Variants in FAT2 observed in about 807,000 individuals in gnomAD.
FAT2 encodes FAT atypical cadherin 2.
Under a neutral mutation model 295.3 loss-of-function variants are expected in FAT2, and 150 were observed. That is an observed-to-expected ratio of 0.51 (90% CI 0.44 to 0.58). The LOEUF is 0.58. FAT2 is among the 20% of genes least tolerant of loss of function. The probability of loss-of-function intolerance (pLI) is 0.00; values close to 1 mark genes in which losing one functional copy is unlikely to be tolerated. For missense variants in FAT2, 4,868 were observed against 5,442.7 expected (o/e 0.89, Z 3.32); for synonymous variants, 2,026 against 2,150.3 (o/e 0.94, Z 1.60).
rs143801705 is a variant in FAT2 at position 151,507,479 on chromosome 5, G to A, written c.12192C>T (p.Val4064=). 44 of 1,614,040 alleles carry A rather than the reference G, an allele frequency of 2.7e-5. No individual in the cohort carries two copies. Among genetic ancestry groups the A allele is most frequent in the Non-Finnish European group, 3.5e-5 (41 of 1,180,030 alleles). ...AACGGCGGCAGTAGAAGAGAAGCCCGACAGTGCTTATGATAATGAACGCCA... is the reference window on the plus strand; with the variant it reads ...AACGGCGGCAGTAGAAGAGAAGCCCAACAGTGCTTATGATAATGAACGCCA... ...VAVAFIIIST[V]GLLFYCRRCK... The change falls in exon 23 of 24, where the codon GTC becomes GTT. Residue 4064 remains valine (V), a synonymous_variant. Transcript: ENST00000261800.
chr5:151,515,522 T>C (rs909277278), intron 20 of FAT2, among the ~76,000 whole-genome samples: 1 of 152,150 alleles, frequency 6.6e-6, no homozygotes, highest in Non-Finnish European at 1.5e-5. Flanking sequence ...GAAACTGCAC[T>C]CTGATCTCCC....
In FAT2 at chr5:151,566,657, C is replaced by T. The variant is rs1052707590; in HGVS notation, c.2275G>A (p.Glu759Lys). ...AGCTCTATGTCAAAGCAGCCCTCCTCATTGCCATCTGCAATCACATAGACC... is the reference window on the plus strand; with the variant it reads ...AGCTCTATGTCAAAGCAGCCCTCCTTATTGCCATCTGCAATCACATAGACC... The part of the protein sequence containing the change: ...KLVYVIADGN[E>K]EGCFDIELET... Residue 759 changes from glutamate (E) to lysine (K), a missense_variant, in exon 2 of 24, where the codon GAG (glutamate) becomes AAG (lysine). Glu to Lys is a moderately conservative substitution (Grantham distance 56, BLOSUM62 1). Transcript: ENST00000261800. The T allele has an allele frequency of 3.1e-6, 5 of 1,614,058 alleles. No homozygotes were observed. The African/African-American group carries it at 4.0e-5, about 13-fold the overall frequency.
At chr5:151,547,971 A>T (rs546220692) in intron 9 of FAT2, among the ~76,000 whole-genome samples, 1 of 152,326 alleles carries the variant, frequency 6.6e-6, no homozygotes, top group South Asian at 2.1e-4. Context: ...GAATATTTTA[A>T]AACTAATCTA....
intron 1 of FAT2, among the ~76,000 whole-genome samples, chr5:151,580,777 A>G (rs1561886859): frequency 6.6e-6 from 1 of 152,234 alleles, no homozygotes. Context: ...TGAAAACACC[A>G]GGTAGAAAAT....
At chr5:151,547,326 G>C (rs1756739250) in intron 9 of FAT2, among the ~76,000 whole-genome samples, 1 of 152,174 alleles carries the variant, frequency 6.6e-6, no homozygotes, top group South Asian at 2.1e-4. Context: ...CCCAACAGAG[G>C]CTTTGTTCTT....
At position 151,566,908 on chromosome 5, in the gene FAT2, A is replaced by G; in HGVS notation, c.2024T>C (p.Val675Ala). 6.2e-7 allele frequency: 1 copy of G among 1,614,094 alleles called. No individual in the cohort carries two copies. The highest frequency in any genetic ancestry group is 8.5e-7 in the Non-Finnish European group (1 of 1,180,030). Residue 675 changes from valine (V) to alanine (A), a missense_variant, in exon 2 of 24, where the codon GTA becomes GCA. By Grantham distance (64) the Val-to-Ala change is moderately conservative. Coordinates refer to ENST00000261800, the MANE Select transcript of FAT2 (RefSeq NM_001447.3). ...EVPVTCDKTGVLTQFTKTILH... is the reference protein window; with the variant it reads ...EVPVTCDKTGALTQFTKTILH... ...GATAGTCTTTGTGAATTGTGTCAAT[A>G]CCCCTGTTTTATCACATGTTACAGG...
intron 3 of FAT2, among the ~76,000 whole-genome samples, chr5:151,559,349 G>T (rs1193018403): frequency 2.0e-5 from 3 of 152,268 alleles, no homozygotes; most frequent in Admixed American, 1.3e-4. Flanking sequence ...AGGACAAGTG[G>T]AAGGAAAGAC....
chr5:151,558,488 G>A (rs1350681655), intron 3 of FAT2, among the ~76,000 whole-genome samples: 3 of 151,994 alleles, frequency 2.0e-5, no homozygotes, highest in South Asian at 2.1e-4. Flanking sequence ...ATGTTGTGGC[G>A]TGTGCCTGTA....
At chr5:151,522,205 G>T in intron 18 of FAT2, 119 bp from the exon 19 acceptor site, 2 of 748,450 alleles carry the variant, frequency 2.7e-6, no homozygotes, top group Non-Finnish European at 4.2e-6. Flanking sequence ...TTGAGGGCTG[G>T]CTCAGCGCAT....
intron 17 of FAT2, among the ~76,000 whole-genome samples, chr5:151,526,794 TCCCTTCACCA>T (rs1754055827): frequency 6.6e-6 from 1 of 152,038 alleles, no homozygotes; most frequent in Admixed American, 6.5e-5. Flanking sequence ...CTCCCTCACC[TCCCTTCACCA>T]CTTACAGCCC....
chr5:151,507,903 A>G (rs1049886904), intron 22 of FAT2, among the ~76,000 whole-genome samples: 13 of 152,138 alleles, frequency 8.5e-5, no homozygotes, highest in Non-Finnish European at 1.6e-4. Flanking sequence ...ATGAGGTCGG[A>G]TTTCCTCCCA....
rs1237336598 is a variant in FAT2 at position 151,543,407 on chromosome 5, T to C, written c.7720A>G (p.Ile2574Val). The C allele has an allele frequency of 6.2e-7, 1 of 1,614,174 alleles. No individual in the cohort carries two copies. Among genetic ancestry groups the C allele is most frequent in the Non-Finnish European group, 8.5e-7 (1 of 1,180,026 alleles). The stretch of plus-strand genomic sequence containing the variant: ...GGGTTGTCATTTTCATCTGTGAGGA[T>C]GATCTTCACCGTGCAGAAGGCTACT... ...GRVAFCTVKIILTDENDNPPQ... is the reference protein window; with the variant it reads ...GRVAFCTVKIVLTDENDNPPQ... The change falls in exon 10 of 24, where the codon ATC (isoleucine) becomes GTC (valine). Residue 2574 changes from isoleucine to valine, a missense_variant. Ile to Val is a conservative substitution (Grantham distance 29, BLOSUM62 3). Around this residue, in one of 5 missense-constraint regions of FAT2, gnomAD observed 3,297 missense variants for 3,669.4 expected, o/e 0.90. Coordinates refer to ENST00000261800, the MANE Select transcript of FAT2 (RefSeq NM_001447.3).
intron 1 of FAT2, among the ~76,000 whole-genome samples, chr5:151,571,536 A>G (rs1248864897): frequency 2.0e-5 from 3 of 152,202 alleles, no homozygotes; most frequent in African/African-American, 7.2e-5. Context: ...GGGAAGGGGA[A>G]GGGGAGGGAT....
chr5:151,584,208 C>A (rs534145697), intron 1 of FAT2, among the ~76,000 whole-genome samples: 6 of 152,112 alleles, frequency 3.9e-5, no homozygotes, highest in Admixed American at 1.3e-4. Context: ...AGCTCAGGAA[C>A]CATGCCAGGG....
intron 6 of FAT2, among the ~76,000 whole-genome samples, chr5:151,552,710 C>G (rs1255747994): frequency 6.6e-6 from 1 of 152,160 alleles, no homozygotes; most frequent in Non-Finnish European, 1.5e-5. Flanking sequence ...CCATCAGAGC[C>G]CGGATCCAAG....
chr5:151,569,010 G>T, intron 1 of FAT2, 59 bp from the exon 2 acceptor site: 1 of 1,460,176 alleles, frequency 6.8e-7, no homozygotes. Flanking sequence ...TTCTACTGCT[G>T]TGATTCTTAA....
At position 151,531,706 on chromosome 5, in the gene FAT2, G is replaced by C. The variant is rs139272925; in HGVS notation, c.9692C>G (p.Ala3231Gly). ...TEHSVQVPED[A>G]PPGTEVLQLA... ...CTGCAGCACCTCCGTGCCAGGTGGG[G>C]CGTCCTCGGGCACCTGCACGCTGTG... is the stretch of plus-strand genomic sequence containing the variant. The change falls in exon 14 of 24, where the codon GCC (alanine) becomes GGC (glycine). Residue 3231 changes from alanine (A) to glycine (G), a missense_variant. This residue lies in a region of FAT2 where 1,046 missense variants were observed against 1,210.1 expected (regional missense o/e 0.86). Transcript: ENST00000261800. This position sits in a 1 kb window ranked among gnomAD's most constrained non-coding sequence, Gnocchi z 5.7. 1.9e-6 allele frequency: 3 copies of C among 1,613,868 alleles called. 1 individual carries two copies. The South Asian group carries it at 3.3e-5, about 18-fold the overall frequency.
intron 11 of FAT2, 135 bp downstream of exon 11, chr5:151,540,432 C>T (rs1756006124): frequency 1.8e-6 from 1 of 569,490 alleles, no homozygotes; most frequent in Non-Finnish European, 3.1e-6. Context: ...CCTCAATCTC[C>T]CTTCTCCTGC....
chr5:151,512,731 T>C lies in FAT2; in HGVS notation c.11464-125A>G, dbSNP rs1761418332. On this transcript the variant is annotated intron_variant, in intron 20 of 23. Coordinates refer to ENST00000261800, the MANE Select transcript of FAT2 (RefSeq NM_001447.3). This position sits in a 1 kb window ranked among gnomAD's most constrained non-coding sequence, Gnocchi z 4.1. Reference sequence around the variant, plus strand: ...GTAGGAGGGGGGTGTTTGGCTGTTTTAGACATGGCATTTGCAGAGCATAAA... The same window carrying C: ...GTAGGAGGGGGGTGTTTGGCTGTTTCAGACATGGCATTTGCAGAGCATAAA... 1 of 858,144 alleles carries C rather than the reference T, an allele frequency of 1.2e-6. No individual in the cohort carries two copies. Among genetic ancestry groups the C allele is most frequent in the Middle Eastern group, 3.0e-4 (1 of 3,344 alleles). 53.2% of individuals were successfully genotyped at this position (858,144 alleles called of 1,614,324 possible). A position where few individuals can be genotyped will look rare whatever the true frequency, so the allele number is the denominator to read the frequency against.
Sources: gnomAD v4.1 joint callset for allele counts (sites outside exome capture counted in the v4.1 genomes callset) on GRCh38, gnomAD v4.1.1 for gene constraint, gnomAD v4.1.1 regional missense constraint, Gnocchi (gnomAD v3.1) non-coding constraint, MANE v1.5 for transcripts, NCBI Gene and HGNC (gene_info 2026-07-23, HGNC 2026-07-21) for gene names.